Variants in MAP2K4 observed in about 807,000 individuals in gnomAD.
MAP2K4 encodes mitogen-activated protein kinase kinase 4.
A neutral mutation model predicts 48.5 loss-of-function variants in MAP2K4; 4 were observed. The observed-to-expected ratio is 0.08, with a 90% confidence interval of 0.04 to 0.19. MAP2K4 has a LOEUF of 0.19. Among genes scored for constraint, MAP2K4 ranks in the 10% least tolerant of loss-of-function variants. The probability of loss-of-function intolerance (pLI) is 1.00; values close to 1 mark genes in which losing one functional copy is unlikely to be tolerated. For missense variants in MAP2K4, 258 were observed against 493.3 expected, an observed-to-expected ratio of 0.52 and a Z score of 4.52; for synonymous variants, 166 against 173.1, an observed-to-expected ratio of 0.96 and a Z score of 0.32.
intron 1 of MAP2K4, chr17:12,032,284 G>A: frequency 1.4e-6 from 2 of 1,411,698 alleles, no homozygotes; most frequent in Non-Finnish European, 9.3e-7. Flanking sequence ...ATAAACTTCT[G>A]TGAAAAGGCA....
chr17:12,079,130 T>A (rs1848174403), intron 2 of MAP2K4, among the ~76,000 whole-genome samples: 1 of 146,802 alleles, frequency 6.8e-6, no homozygotes, highest in Non-Finnish European at 1.5e-5. Flanking sequence ...TATAGTTCAT[T>A]TGCTTTTAGT....
intron 9 of MAP2K4, among the ~76,000 whole-genome samples, chr17:12,129,517 G>C (rs1177069831): frequency 6.6e-6 from 1 of 152,198 alleles, no homozygotes; most frequent in Non-Finnish European, 1.5e-5. Context: ...ACAGCCATGA[G>C]TGGTGGAGAG....
intron 3 of MAP2K4, among the ~76,000 whole-genome samples, chr17:12,082,866 A>G (rs1971237484): frequency 1.3e-5 from 2 of 152,356 alleles, no homozygotes; most frequent in South Asian, 4.1e-4. Flanking sequence ...GTGTTAAAAT[A>G]AAATGTTTTA....
At position 12,113,256 on chromosome 17, in the gene MAP2K4, C is replaced by T; in HGVS notation, c.709C>T (p.Leu237=). 1 of 1,613,498 alleles carries T rather than the reference C, an allele frequency of 6.2e-7. No individual in the cohort carries two copies. Among genetic ancestry groups the T allele is most frequent in the Non-Finnish European group, 8.5e-7 (1 of 1,179,620 alleles). Residue 237 remains leucine (L), a synonymous_variant, in exon 7 of 11, where the codon CTG becomes TTG. Transcript: ENST00000353533. ...AGATATCAAACCTTCCAATATTCTT[C>T]TGGACAGAAGTGGAAATATTAAGCT... ...HRDIKPSNIL[L]DRSGNIKLCD...
chr17:12,031,002 G>A (rs558865241), intron 1 of MAP2K4, among the ~76,000 whole-genome samples: 1 of 152,168 alleles, frequency 6.6e-6, no homozygotes, highest in African/African-American at 2.4e-5. Context: ...GCTTAGGCTT[G>A]TAAGACCCAT....
chr17:12,027,649 A>G (rs974287953), intron 1 of MAP2K4, among the ~76,000 whole-genome samples: 3 of 152,114 alleles, frequency 2.0e-5, no homozygotes, highest in Non-Finnish European at 4.4e-5. Context: ...AATCAGTGAC[A>G]TTAAGGAGCT....
At chr17:12,058,213 T>C (rs1970341981) in intron 2 of MAP2K4, among the ~76,000 whole-genome samples, 1 of 150,676 alleles carries the variant, frequency 6.6e-6, no homozygotes, top group African/African-American at 2.4e-5. Context: ...AAAAGTGGAA[T>C]TAACTAGACC....
intron 4 of MAP2K4, among the ~76,000 whole-genome samples, chr17:12,101,455 C>G (rs1449966904): frequency 3.3e-5 from 5 of 151,910 alleles, no homozygotes; most frequent in Non-Finnish European, 7.4e-5. Context: ...AAACTTTGTT[C>G]TTTTAAAAGT....
chr17:12,136,616 A>T (rs973759893), intron 9 of MAP2K4, among the ~76,000 whole-genome samples: 3 of 152,222 alleles, frequency 2.0e-5, no homozygotes, highest in African/African-American at 7.2e-5. Context: ...AGATAGTCTA[A>T]GGGGAGCTAA....
chr17:12,071,031 C>G (rs1370137792), intron 2 of MAP2K4, among the ~76,000 whole-genome samples: 1 of 152,198 alleles, frequency 6.6e-6, no homozygotes, highest in African/African-American at 2.4e-5. Flanking sequence ...TCTTCCTTGG[C>G]TTGTGGCAGC....
intron 9 of MAP2K4, among the ~76,000 whole-genome samples, chr17:12,139,126 T>C (rs1459419503): frequency 6.6e-6 from 1 of 152,210 alleles, no homozygotes; most frequent in Non-Finnish European, 1.5e-5. Context: ...TATTAATTCA[T>C]GTTTGATAGT....
chr17:12,051,597 T>G (rs930453931), intron 1 of MAP2K4, among the ~76,000 whole-genome samples: 2 of 152,200 alleles, frequency 1.3e-5, no homozygotes. Context: ...ATTCATAATG[T>G]TTTTGATCAG....
rs896882494 is a variant in MAP2K4 at position 12,021,734 on chromosome 17, GAAAAAAA to G, written c.115+748_115+754del. On this transcript the variant is annotated intron_variant, in intron 1 of 10. Transcript: ENST00000353533. ...TCTGTGTTAGCATTGCGTGCAGGAA[GAAAAAAA>G]AAAAAAAAAAAAAAGAAGACTTAAT... Among the ~76,000 whole-genome samples, 344 of 99,962 alleles carry G rather than the reference GAAAAAAA, an allele frequency of 3.4e-3. 3 individuals carry two copies. Among genetic ancestry groups the G allele is most frequent in the African/African-American group, 9.8e-3 (243 of 24,698 alleles). The allele number at this position is 99,962 out of a possible 152,430, so 65.6% of individuals were successfully genotyped here.
rs1047889723 is a variant in MAP2K4 at position 12,141,871 on chromosome 17, A to G, written c.*611A>G. On this transcript the variant is annotated 3_prime_UTR_variant, in exon 11 of 11. Coordinates refer to ENST00000353533, the MANE Select transcript of MAP2K4 (RefSeq NM_003010.4). ...TTTCCTGTTTGAAATATCATGTTAA[A>G]TTAGAATGAATTTATCTTTACCAAA... 2 of 233,636 alleles carry G rather than the reference A, an allele frequency of 8.6e-6. No individual in the cohort carries two copies. Among genetic ancestry groups the G allele is most frequent in the African/African-American group, 4.4e-5 (2 of 45,342 alleles). The allele number at this position is 233,636 out of a possible 1,614,324, so 14.5% of individuals were successfully genotyped here. A position where few individuals can be genotyped will look rare whatever the true frequency, so the allele number is the denominator to read the frequency against.
chr17:12,043,726 A>T (rs754194842), intron 1 of MAP2K4, among the ~76,000 whole-genome samples: 1 of 152,224 alleles, frequency 6.6e-6, no homozygotes, highest in East Asian at 1.9e-4. Flanking sequence ...GAGTAAGGGG[A>T]CAGGGGAATA....
chr17:12,128,793 A>T (rs1316624246), intron 8 of MAP2K4, among the ~76,000 whole-genome samples: 2 of 152,182 alleles, frequency 1.3e-5, no homozygotes, highest in Non-Finnish European at 2.9e-5. Flanking sequence ...TCTATAGTAA[A>T]ATAGTTCTAA....
chr17:12,032,558 G>A (rs553196454), intron 1 of MAP2K4, among the ~76,000 whole-genome samples: 1 of 152,238 alleles, frequency 6.6e-6, no homozygotes, highest in African/African-American at 2.4e-5. Flanking sequence ...TTTAGGTATA[G>A]AAAAGTATAT....
intron 1 of MAP2K4, among the ~76,000 whole-genome samples, chr17:12,028,936 A>G (rs1010032239): frequency 6.6e-6 from 1 of 152,234 alleles, no homozygotes; most frequent in Non-Finnish European, 1.5e-5. Flanking sequence ...TTCTTTATTT[A>G]AAAATGACAA....
chr17:12,102,783 A>T (rs956919633), intron 4 of MAP2K4, among the ~76,000 whole-genome samples: 1 of 151,994 alleles, frequency 6.6e-6, no homozygotes, highest in Non-Finnish European at 1.5e-5. Flanking sequence ...TATCCCTTTC[A>T]TCTAAATTAT....
Sources: gnomAD v4.1 joint callset for allele counts (sites outside exome capture counted in the v4.1 genomes callset) on GRCh38, gnomAD v4.1.1 for gene constraint, MANE v1.5 for transcripts, NCBI Gene and HGNC (gene_info 2026-07-23, HGNC 2026-07-21) for gene names.